MRPL45: variants seen among roughly 807,000 people sequenced by gnomAD.
MRPL45 encodes the protein mitochondrial ribosomal protein L45, also known as large ribosomal subunit protein mL45.
MRPL45 carries 20 observed loss-of-function variants against 38.1 expected under a neutral mutation model. The ratio of observed to expected loss-of-function variants is 0.53; its 90% confidence interval spans 0.37 to 0.76. The LOEUF (loss-of-function observed/expected upper bound fraction) is 0.76. Ranked by LOEUF, MRPL45 falls within the 30% of genes least tolerant of loss-of-function variation. MRPL45 has a pLI of 0.00. For synonymous variants in MRPL45, 105 were observed against 128.8 expected (o/e 0.82, Z 1.25); for missense variants, 337 against 395.6 (o/e 0.85, Z 1.26).
At chr17:38,322,031 CAAAA>C (rs747640334) in intron 6 of MRPL45, 91 bp from the exon 7 acceptor site, 16 of 1,079,462 alleles carry the variant, frequency 1.5e-5, no homozygotes, top group Admixed American at 5.2e-5. Flanking sequence ...GACTCTGTCT[CAAAA>C]AAAAAAAAAA....
intron 4 of MRPL45, among the ~76,000 whole-genome samples, chr17:38,315,367 C>T (rs2037163204): frequency 6.6e-6 from 1 of 152,056 alleles, no homozygotes; most frequent in African/African-American, 2.4e-5. Flanking sequence ...GCGATCTTCC[C>T]ACCTCAGCCC....
Position 38,306,355 on chromosome 17 carries a change from G to A in MRPL45, c.363-178G>A, listed in dbSNP as rs182623890. ...ACCTGGGAGGCAGAGCTTGCAGTGAGCCGAGATCATGCCACTGCACTCCAG... is the reference window on the plus strand; with the variant it reads ...ACCTGGGAGGCAGAGCTTGCAGTGAACCGAGATCATGCCACTGCACTCCAG... On this transcript the variant is annotated intron_variant, in intron 3 of 7. Coordinates refer to ENST00000613675, the MANE Select transcript of MRPL45 (RefSeq NM_032351.6). Among the ~76,000 whole-genome samples the A allele has an allele frequency of 1.3e-4, 19 of 150,990 alleles. No individual in the cohort carries two copies. In the Admixed American group the frequency reaches 1.3e-3, roughly 10 times the overall value.
At chr17:38,303,457 C>A (rs1027362741) in intron 3 of MRPL45, among the ~76,000 whole-genome samples, 1 of 151,690 alleles carries the variant, frequency 6.6e-6, no homozygotes. Context: ...GCCACCACAC[C>A]TGGCTGTTTT....
At chr17:38,319,423 C>T (rs981567855) in intron 5 of MRPL45, among the ~76,000 whole-genome samples, 21 of 152,078 alleles carry the variant, frequency 1.4e-4, no homozygotes, top group Admixed American at 5.2e-4. Flanking sequence ...CCCGCCTCGG[C>T]CTCCCAAAGT....
chr17:38,303,991 T>C (rs541675913), intron 3 of MRPL45, among the ~76,000 whole-genome samples: 5 of 152,284 alleles, frequency 3.3e-5, no homozygotes, highest in East Asian at 1.9e-4. Flanking sequence ...CCTATGTCTT[T>C]ATGTTTTCAT....
chr17:38,299,457 A>T lies in MRPL45; in HGVS notation c.351A>T (p.Ala117=), dbSNP rs752989895. 1.9e-6 allele frequency: 3 copies of T among 1,598,824 alleles called. No homozygotes were observed. Among genetic ancestry groups the T allele is most frequent in the Non-Finnish European group, 2.5e-6 (3 of 1,176,804 alleles). Reference sequence around the variant, plus strand: ...CTGAACGAATGAAGAAGACTATGGCATCACAAGTGTCGTAGGTGTCTGAGA... The same window carrying T: ...CTGAACGAATGAAGAAGACTATGGCTTCACAAGTGTCGTAGGTGTCTGAGA... ...ERTERMKKTM[A]SQVSIRRIKD... The change falls in exon 3 of 8, where the codon GCA becomes GCT. Residue 117 remains alanine, a synonymous_variant. Transcript: ENST00000613675.
In MRPL45 at chr17:38,301,398, G is replaced by A. The variant is rs557410545; in HGVS notation, c.362+1930G>A. Among the ~76,000 whole-genome samples, 16 of 152,186 alleles carry A rather than the reference G, an allele frequency of 1.1e-4. No individual in the cohort carries two copies. In the South Asian group the frequency reaches 2.1e-3, roughly 20 times the overall value. ...TGGGATTACAGGCATGTGCCACCAC[G>A]TCTGGCTAATTTTGTATTTTTAATA... On this transcript the variant is annotated intron_variant, in intron 3 of 7. Transcript: ENST00000613675.
intron 4 of MRPL45, among the ~76,000 whole-genome samples, chr17:38,317,131 G>C (rs1341004091): frequency 1.3e-5 from 2 of 152,124 alleles, no homozygotes; most frequent in Non-Finnish European, 2.9e-5. Context: ...TATAGTAGAA[G>C]TAGTATTACA....
In MRPL45 at chr17:38,298,564, G is replaced by A. The variant is rs775042643; in HGVS notation, c.182G>A (p.Arg61Gln). ...GAAAAGGAGTTTATGCAACATGCCC[G>A]GAAAGCAGGATTGGTTATTCCTCCA... ...KTEKEFMQHA[R>Q]KAGLVIPPEK... is the part of the protein sequence containing the mutation. The change falls in exon 2 of 8, where the codon CGG becomes CAG. Residue 61 changes from arginine (R) to glutamine (Q), a missense_variant. Arg to Gln is a conservative substitution (Grantham distance 43, BLOSUM62 1). Coordinates refer to ENST00000613675, the MANE Select transcript of MRPL45 (RefSeq NM_032351.6). 17 of 1,613,418 alleles carry A rather than the reference G, an allele frequency of 1.1e-5. 1 individual carries two copies. Among genetic ancestry groups the A allele is most frequent in the South Asian group, 2.2e-5 (2 of 91,040 alleles).
intron 5 of MRPL45, among the ~76,000 whole-genome samples, chr17:38,319,671 C>G (rs1567718743): frequency 6.6e-6 from 1 of 152,158 alleles, no homozygotes; most frequent in African/African-American, 2.4e-5. Flanking sequence ...CATACTAGGC[C>G]ACATCTCCAC....
intron 3 of MRPL45, among the ~76,000 whole-genome samples, chr17:38,303,908 G>C (rs2037025770): frequency 6.6e-6 from 1 of 152,078 alleles, no homozygotes; most frequent in Non-Finnish European, 1.5e-5. Flanking sequence ...TGTATTTTTA[G>C]TAGAAATGGG....
At chr17:38,320,163 T>C (rs2037215832) in intron 5 of MRPL45, among the ~76,000 whole-genome samples, 1 of 152,174 alleles carries the variant, frequency 6.6e-6, no homozygotes, top group South Asian at 2.1e-4. Context: ...TCAGTTTCTA[T>C]CAGTCTTCCC....
chr17:38,319,850 C>A (rs2037212407), intron 5 of MRPL45, among the ~76,000 whole-genome samples: 1 of 152,094 alleles, frequency 6.6e-6, no homozygotes, highest in African/African-American at 2.4e-5. Flanking sequence ...CGCCTGTAAC[C>A]CCAGCGCTTT....
At chr17:38,314,134 T>C (rs1398936397) in intron 4 of MRPL45, among the ~76,000 whole-genome samples, 10 of 152,152 alleles carry the variant, frequency 6.6e-5, no homozygotes, top group Admixed American at 3.9e-4. Context: ...GATGGAGTTT[T>C]GCTCTTGAAG....
intron 3 of MRPL45, among the ~76,000 whole-genome samples, chr17:38,300,181 C>T (rs79371779): frequency 0.061 from 9,341 of 151,996 alleles, 908 homozygotes; most frequent in African/African-American, 0.21. Context: ...CCACGCCCAG[C>T]TAATTTTTGT....
intron 3 of MRPL45, among the ~76,000 whole-genome samples, chr17:38,299,759 G>A (rs2036973471): frequency 6.7e-6 from 1 of 149,484 alleles, no homozygotes; most frequent in Non-Finnish European, 1.5e-5. Context: ...TTTTTGAGAT[G>A]GAGTTTCGCT....
chr17:38,306,282 G>A (rs1393201530), intron 3 of MRPL45, among the ~76,000 whole-genome samples: 11 of 151,916 alleles, frequency 7.2e-5, no homozygotes, highest in Admixed American at 2.0e-4. Flanking sequence ...GGTCGCGGGC[G>A]CCTGTAGTGC....
At position 38,316,661 on chromosome 17, in the gene MRPL45, A is replaced by G. The variant is rs114045181; in HGVS notation, c.462-2026A>G. ...CCAACTCTACTAAAAATACAAAAAA[A>G]GCTGGGTGTGGTGGCGTGCACCTGT... On this transcript the variant is annotated intron_variant, in intron 4 of 7. Coordinates refer to ENST00000613675, the MANE Select transcript of MRPL45 (RefSeq NM_032351.6). Among the ~76,000 whole-genome samples the G allele has an allele frequency of 5.8e-3, 869 of 149,678 alleles. 10 individuals carry two copies. Among genetic ancestry groups the G allele is most frequent in the African/African-American group, 0.02 (823 of 40,504 alleles).
At chr17:38,312,710 G>A (rs2037124284) in intron 4 of MRPL45, among the ~76,000 whole-genome samples, 1 of 151,966 alleles carries the variant, frequency 6.6e-6, no homozygotes, top group African/African-American at 2.4e-5. Context: ...CGGGCATGGT[G>A]GTGCATGCCT....
Sources: gnomAD v4.1 joint callset for allele counts (sites outside exome capture counted in the v4.1 genomes callset) on GRCh38, gnomAD v4.1.1 for gene constraint, MANE v1.5 for transcripts, NCBI Gene and HGNC (gene_info 2026-07-23, HGNC 2026-07-21) for gene names.